The following NSRP1 variants were observed in gnomAD, a reference collection of about 807,000 sequenced individuals.
NSRP1 encodes nuclear speckle splicing regulatory protein 1, also known as coiled-coil domain containing 55.
In NSRP1, 24 loss-of-function variants were observed where a neutral mutation model predicts 54.7. The observed-to-expected ratio is 0.44, with a 90% CI of 0.32 to 0.62. The LOEUF (loss-of-function observed/expected upper bound fraction) is 0.62. Ranked by LOEUF, NSRP1 falls within the 20% of genes least tolerant of loss-of-function variation. The probability of loss-of-function intolerance (pLI) is 0.06; values close to 1 mark genes in which losing one functional copy is unlikely to be tolerated. For missense variants in NSRP1, 596 were observed against 651.2 expected, an observed-to-expected ratio of 0.92 and a Z score of 0.92; for synonymous variants, 210 against 213.8, an observed-to-expected ratio of 0.98 and a Z score of 0.15.
chr17:30,177,913 C>T (rs1270621117), intron 3 of NSRP1, 158 bp from the exon 4 acceptor site: 3 of 847,162 alleles, frequency 3.5e-6, no homozygotes, highest in East Asian at 2.7e-5. Context: ...CATACCCAGG[C>T]AGCCTGGCTC....
rs78068627 is a variant in NSRP1 at position 30,126,839 on chromosome 17, C to G, written c.114+8666C>G. ...CTTGAGCTCAAAGTAAAACGCCCAC[C>G]TTGGCCTCCCAAAGTGCTAGGATTA... On this transcript the variant is annotated intron_variant, in intron 2 of 6. Transcript: ENST00000247026. Among the ~76,000 whole-genome samples, 437 of 152,358 alleles carry G rather than the reference C, an allele frequency of 2.9e-3. 1 individual carries two copies. Among genetic ancestry groups the G allele is most frequent in the Non-Finnish European group, 4.5e-3 (305 of 68,028 alleles).
chr17:30,117,900 A>G (rs930369121), intron 1 of NSRP1, 180 bp from the exon 2 acceptor site: 13 of 529,036 alleles, frequency 2.5e-5, no homozygotes, highest in Non-Finnish European at 4.0e-5. Flanking sequence ...AGTAGTAATT[A>G]TAGAATCTTA....
intron 2 of NSRP1, among the ~76,000 whole-genome samples, chr17:30,136,550 T>C (rs566567941): frequency 7.4e-4 from 113 of 152,320 alleles, no homozygotes; most frequent in Non-Finnish European, 1.3e-3. Flanking sequence ...GCTTTCTTGG[T>C]GTTACCAGAA....
At chr17:30,147,242 C>T (rs1024790696) in intron 2 of NSRP1, among the ~76,000 whole-genome samples, 2 of 151,462 alleles carry the variant, frequency 1.3e-5, no homozygotes, top group African/African-American at 4.9e-5. Context: ...GATTATGCTG[C>T]CTCAGCCTCC....
At chr17:30,124,878 A>G (rs953321283) in intron 2 of NSRP1, among the ~76,000 whole-genome samples, 1 of 152,220 alleles carries the variant, frequency 6.6e-6, no homozygotes, top group African/African-American at 2.4e-5. Flanking sequence ...TTTACTGAGA[A>G]GTAAATTTAT....
At chr17:30,178,989 T>G (rs1191767813) in intron 4 of NSRP1, 101 bp from the exon 5 acceptor site, 1 of 651,986 alleles carries the variant, frequency 1.5e-6, no homozygotes, top group Non-Finnish European at 2.3e-6. Flanking sequence ...ACAATCTTAT[T>G]TGGGCCAATC....
intron 3 of NSRP1, among the ~76,000 whole-genome samples, chr17:30,176,956 TC>T (rs1905146776): frequency 6.6e-6 from 1 of 152,148 alleles, no homozygotes; most frequent in Non-Finnish European, 1.5e-5. Context: ...TTAAAAAGGA[TC>T]CCTCTTGGGT....
At chr17:30,170,363 A>T (rs1384373159) in intron 2 of NSRP1, among the ~76,000 whole-genome samples, 1 of 152,192 alleles carries the variant, frequency 6.6e-6, no homozygotes, top group Non-Finnish European at 1.5e-5. Flanking sequence ...TGAATACCAT[A>T]TATAGTACAA....
At chr17:30,158,551 T>C (rs1323994744) in intron 2 of NSRP1, among the ~76,000 whole-genome samples, 13 of 152,160 alleles carry the variant, frequency 8.5e-5, no homozygotes, top group Admixed American at 8.5e-4. Context: ...CCAGTGTCCC[T>C]GGAGCATTTC....
At chr17:30,121,469 T>TG (rs2071595681) in intron 2 of NSRP1, among the ~76,000 whole-genome samples, 1 of 150,536 alleles carries the variant, frequency 6.6e-6, no homozygotes, top group African/African-American at 2.5e-5. Context: ...TTTTTTTTTT[T>TG]GGTCATCATT....
intron 2 of NSRP1, among the ~76,000 whole-genome samples, chr17:30,148,345 C>T (rs1260541098): frequency 6.6e-6 from 1 of 152,178 alleles, no homozygotes; most frequent in African/African-American, 2.4e-5. Context: ...TTTCAAACAT[C>T]TATGTCTATA....
Position 30,184,615 on chromosome 17 carries a change from A to G in NSRP1, c.618A>G (p.Arg206=). The change falls in exon 7 of 7, where the codon AGA becomes AGG. Residue 206 remains arginine, a splice_region_variant and synonymous_variant. Coordinates refer to ENST00000247026, the MANE Select transcript of NSRP1 (RefSeq NM_032141.4). ...EVPKCSFREA[R]SGIKEEKSRG... ...CCCTTTTTTGTTTTTTGTTTCTAAG[A>G]TCTGGTATAAAGGAAGAAAAATCAA... The G allele has an allele frequency of 6.5e-7, 1 of 1,538,476 alleles. No homozygotes were observed. Among genetic ancestry groups the G allele is most frequent in the Non-Finnish European group, 8.7e-7 (1 of 1,144,660 alleles).
chr17:30,146,728 C>A (rs552302126), intron 2 of NSRP1, among the ~76,000 whole-genome samples: 5 of 152,186 alleles, frequency 3.3e-5, no homozygotes, highest in African/African-American at 1.2e-4. Flanking sequence ...CTCTGCCTCC[C>A]GAGTAGCTGG....
In NSRP1 at chr17:30,151,664, T is replaced by C. The variant is rs1208549501; in HGVS notation, c.115-20878T>C. On this transcript the variant is annotated intron_variant, in intron 2 of 6. Coordinates refer to ENST00000247026, the MANE Select transcript of NSRP1 (RefSeq NM_032141.4). Reference sequence around the variant, plus strand: ...GGAGGTGAAAGGTGAGGCAGGCACATTGGGTGTAACTTTTACTTAAAATCT... The same window carrying C: ...GGAGGTGAAAGGTGAGGCAGGCACACTGGGTGTAACTTTTACTTAAAATCT... Among the ~76,000 whole-genome samples, 34 of 152,014 alleles carry C rather than the reference T, an allele frequency of 2.2e-4. 1 individual carries two copies. Among genetic ancestry groups the C allele is most frequent in the Non-Finnish European group, 2.5e-4 (17 of 68,018 alleles).
At chr17:30,151,241 G>C (rs2071906600) in intron 2 of NSRP1, among the ~76,000 whole-genome samples, 1 of 151,940 alleles carries the variant, frequency 6.6e-6, no homozygotes, top group Non-Finnish European at 1.5e-5. Context: ...AATTCTTTAT[G>C]GGCTGCAAGT....
intron 2 of NSRP1, among the ~76,000 whole-genome samples, chr17:30,125,047 A>T (rs555836036): frequency 6.6e-6 from 1 of 152,276 alleles, no homozygotes; most frequent in South Asian, 2.1e-4. Context: ...AAAAATACAA[A>T]AATTAGCTGG....
At chr17:30,129,108 A>C (rs932601632) in intron 2 of NSRP1, among the ~76,000 whole-genome samples, 4 of 151,748 alleles carry the variant, frequency 2.6e-5, no homozygotes, top group African/African-American at 9.7e-5. Flanking sequence ...TTTAAGAAAA[A>C]TTATGGTGAA....
chr17:30,119,672 C>A (rs2071579897), intron 2 of NSRP1, among the ~76,000 whole-genome samples: 1 of 151,772 alleles, frequency 6.6e-6, no homozygotes, highest in Non-Finnish European at 1.5e-5. Flanking sequence ...CTGGCTAATT[C>A]TTGTGTTTTT....
intron 2 of NSRP1, among the ~76,000 whole-genome samples, chr17:30,134,625 A>G (rs992333567): frequency 4.6e-5 from 7 of 152,216 alleles, no homozygotes; most frequent in Admixed American, 3.3e-4. Flanking sequence ...TAACTGGTCA[A>G]TAGCACACAC....
Sources: gnomAD v4.1 joint callset for allele counts (sites outside exome capture counted in the v4.1 genomes callset) on GRCh38, gnomAD v4.1.1 for gene constraint, MANE v1.5 for transcripts, NCBI Gene and HGNC (gene_info 2026-07-23, HGNC 2026-07-21) for gene names.